Variants in NBPF11 observed in about 807,000 individuals in gnomAD.
The protein encoded by NBPF11 is NBPF member 11, also known as NBPF family member NBPF11.
In NBPF11, 72 loss-of-function variants were observed where a neutral mutation model predicts 93.9. That is an observed-to-expected ratio of 0.77 (90% CI 0.63 to 0.93). The LOEUF (loss-of-function observed/expected upper bound fraction) is 0.93, where lower values mean the gene tolerates loss of function less well. NBPF11 is among the 40% of genes least tolerant of loss of function. The probability of loss-of-function intolerance (pLI) is 0.00; values close to 1 mark genes in which losing one functional copy is unlikely to be tolerated. For missense variants in NBPF11, 705 were observed against 802.2 expected, an observed-to-expected ratio of 0.88 and a Z score of 1.46; for synonymous variants, 224 against 304.9, an observed-to-expected ratio of 0.73 and a Z score of 2.76.
chr1:148,144,101 T>C (rs1401143725), intron 1 of NBPF11, among the ~76,000 whole-genome samples: 2 of 151,686 alleles, frequency 1.3e-5, no homozygotes, highest in Non-Finnish European at 2.9e-5. Flanking sequence ...GTAAGGAATA[T>C]TTGAGGTAGA....
chr1:148,133,927 C>T (rs1360108337), intron 4 of NBPF11, among the ~76,000 whole-genome samples: 6 of 151,230 alleles, frequency 4.0e-5, no homozygotes, highest in African/African-American at 1.5e-4. Flanking sequence ...TCCCAGACAC[C>T]TCACAATGAT....
At chr1:148,136,374 T>C (rs1671286341) in intron 3 of NBPF11, among the ~76,000 whole-genome samples, 1 of 151,916 alleles carries the variant, frequency 6.6e-6, no homozygotes, top group South Asian at 2.1e-4. Context: ...TCTATCAATA[T>C]ACATTCAAAT....
At chr1:148,105,568 A>G (rs1275906267) in intron 21 of NBPF11, 40 bp from the exon 22 acceptor site, 1 of 722,250 alleles carries the variant, frequency 1.4e-6, no homozygotes, top group Non-Finnish European at 2.5e-6. Context: ...GCCAGGGGAA[A>G]TCACACACAA....
At chr1:148,148,453 G>A (rs1263465826) in intron 1 of NBPF11, among the ~76,000 whole-genome samples, 1 of 152,090 alleles carries the variant, frequency 6.6e-6, no homozygotes, top group Non-Finnish European at 1.5e-5. Context: ...GCTGGGTCAG[G>A]GGCCGCACAC....
intron 2 of NBPF11, among the ~76,000 whole-genome samples, chr1:148,141,763 C>T (rs1338419788): frequency 7.9e-5 from 12 of 151,714 alleles, no homozygotes; most frequent in Non-Finnish European, 2.9e-5. Context: ...ACCACTGAGA[C>T]TCAGCAGCTG....
In NBPF11 at chr1:148,124,067, C is replaced by T. The variant is rs1171608655; in HGVS notation, c.279G>A (p.Arg93=). ...AEQLKQAEEL[R]QYKVLVHSQE... is the part of the protein sequence containing the mutation. ...GAGAGTGAACCAGGACTTTATATTG[C>T]CTAAGGTGAGACGGTAGAGAAAATT... is the stretch of plus-strand genomic sequence containing the variant. The change falls in exon 7 of 24, where the codon AGG becomes AGA. Residue 93 remains arginine (R), a splice_region_variant and synonymous_variant. Transcript: ENST00000682118. The T allele has an allele frequency of 8.1e-6, 13 of 1,603,738 alleles. No individual in the cohort carries two copies. Among genetic ancestry groups the T allele is most frequent in the Non-Finnish European group, 3.4e-6 (4 of 1,172,914 alleles).
chr1:148,141,841 C>T (rs1325614450), intron 2 of NBPF11, among the ~76,000 whole-genome samples: 2 of 151,742 alleles, frequency 1.3e-5, no homozygotes, highest in African/African-American at 2.4e-5. Flanking sequence ...GGATGAGCTC[C>T]CTGCCCACAA....
chr1:148,124,128 T>C lies in NBPF11; in HGVS notation c.279-61A>G, dbSNP rs1420755656. 22 of 1,595,816 alleles carry C rather than the reference T, an allele frequency of 1.4e-5. No individual in the cohort carries two copies. In the Admixed American group the frequency reaches 2.7e-4, roughly 19 times the overall value. On this transcript the variant is annotated intron_variant, in intron 6 of 23. Transcript: ENST00000682118. ...AAGCATTGAGTGATCCGTTCAAATA[T>C]TGCAACAGAGATTTCTGAGACAATG...
chr1:148,118,531 A>G (rs1451634161), intron 11 of NBPF11, 89 bp downstream of exon 11: 62 of 1,178,326 alleles, frequency 5.3e-5, no homozygotes, highest in Middle Eastern at 2.8e-4. Context: ...CCCCTGGCCC[A>G]GCTTAGCTCT....
intron 15 of NBPF11, among the ~76,000 whole-genome samples, chr1:148,111,713 A>T (rs1665318793): frequency 6.6e-6 from 1 of 151,820 alleles, no homozygotes; most frequent in Admixed American, 6.6e-5. Flanking sequence ...AAAAAAGAGT[A>T]AAAAGAAATG....
intron 15 of NBPF11, among the ~76,000 whole-genome samples, chr1:148,111,176 A>T (rs1665167467): frequency 6.6e-6 from 1 of 151,996 alleles, no homozygotes. Context: ...TGTTAGAAGG[A>T]AAACTAACAC....
At chr1:148,125,729 A>C (rs1427682931) in intron 5 of NBPF11, among the ~76,000 whole-genome samples, 1 of 152,018 alleles carries the variant, frequency 6.6e-6, no homozygotes, top group Non-Finnish European at 1.5e-5. Flanking sequence ...GAAATACCTC[A>C]TGTAATTCAT....
intron 2 of NBPF11, among the ~76,000 whole-genome samples, chr1:148,139,149 A>C (rs1381154096): frequency 2.0e-5 from 3 of 151,752 alleles, no homozygotes; most frequent in Non-Finnish European, 4.4e-5. Flanking sequence ...AAATATTATT[A>C]TGTGAAAATG....
rs1343914513 is a variant in NBPF11, at chr1:148,104,353, T to G, written c.2581+184A>C. Among the ~76,000 whole-genome samples, 984 of 141,568 alleles carry G rather than the reference T, an allele frequency of 7.0e-3. 6 individuals are homozygous for G. Among genetic ancestry groups the G allele is most frequent in the African/African-American group, 0.019 (648 of 33,238 alleles). 92.9% of individuals were successfully genotyped at this position (141,568 alleles called of 152,430 possible). A position where few individuals can be genotyped will look rare whatever the true frequency, so the allele number is the denominator to read the frequency against. ...GTATGGTCCACCTATGGTACGTTAGTAAATGATAAGGGGAGGAAGAAATGG... is the reference window on the plus strand; with the variant it reads ...GTATGGTCCACCTATGGTACGTTAGGAAATGATAAGGGGAGGAAGAAATGG... On this transcript the variant is annotated intron_variant, in intron 23 of 23. Transcript: ENST00000682118.
rs1248682164 is a variant in NBPF11 at position 148,135,786 on chromosome 1, T to C, written c.-150A>G. On this transcript the variant is annotated 5_prime_UTR_variant, in exon 4 of 24. Coordinates refer to ENST00000682118, the MANE Select transcript of NBPF11 (RefSeq NM_001385469.3). ...TGAGTTTCTCCAGGTATGATATTAT[T>C]TTGTTTGACCATCCTTATCTTCAAG... 9.9e-6 allele frequency: 7 copies of C among 709,124 alleles called. No homozygotes were observed. Among genetic ancestry groups the C allele is most frequent in the Non-Finnish European group, 1.5e-5 (6 of 407,704 alleles). The allele number at this position is 709,124 out of a possible 1,614,324, so 43.9% of individuals were successfully genotyped here.
chr1:148,149,987 A>C (rs200527206), intron 1 of NBPF11, among the ~76,000 whole-genome samples: 25 of 151,830 alleles, frequency 1.6e-4, no homozygotes, highest in African/African-American at 3.2e-4. Flanking sequence ...TTCCCTGCTA[A>C]CTGATAAAAC....
intron 7 of NBPF11, among the ~76,000 whole-genome samples, chr1:148,123,196 C>T (rs1181117523): frequency 6.6e-6 from 1 of 152,008 alleles, no homozygotes; most frequent in African/African-American, 2.4e-5. Flanking sequence ...ACTTGTCCCA[C>T]AGTCCTCTAT....
At chr1:148,147,423 C>G (rs1337674302) in intron 1 of NBPF11, among the ~76,000 whole-genome samples, 1,730 of 152,116 alleles carry the variant, frequency 0.011, 49 homozygotes, top group African/African-American at 0.04. Context: ...AGCACACATC[C>G]GAGGTCTGGG....
At position 148,103,765 on chromosome 1, in the gene NBPF11, G is replaced by C; in HGVS notation, c.*131C>G. 2.5e-6 allele frequency: 4 copies of C among 1,611,858 alleles called. No individual in the cohort carries two copies. Among genetic ancestry groups the C allele is most frequent in the Non-Finnish European group, 3.4e-6 (4 of 1,179,450 alleles). On this transcript the variant is annotated 3_prime_UTR_variant, in exon 24 of 24. Transcript: ENST00000682118. The stretch of plus-strand genomic sequence containing the variant: ...TGTCCATGTCAAGGGCAAAGCTGAT[G>C]TGCTGTTCCTCAAATGAGTAAAACA...
Sources: allele counts gnomAD v4.1 joint callset (sites outside exome capture counted in the v4.1 genomes callset), GRCh38; gene constraint gnomAD v4.1.1; transcripts MANE v1.5; gene names NCBI Gene and HGNC (gene_info 2026-07-23, HGNC 2026-07-21).